Variants in HS6ST2 observed in about 807,000 individuals in gnomAD.
HS6ST2 encodes heparan-sulfate 6-O-sulfotransferase 2.
A neutral mutation model predicts 33.0 loss-of-function variants in HS6ST2; 17 were observed. The ratio of observed to expected loss-of-function variants is 0.52; its 90% CI spans 0.35 to 0.77. HS6ST2 has a LOEUF of 0.77. HS6ST2 is among the 30% of genes least tolerant of loss of function. The pLI, the probability that HS6ST2 is intolerant of heterozygous loss-of-function variation, is 0.01. For missense variants in HS6ST2, 519 were observed against 551.7 expected, an observed-to-expected ratio of 0.94 and a Z score of 0.59; for synonymous variants, 248 against 237.1, an observed-to-expected ratio of 1.05 and a Z score of -0.42.
At chrX:132,660,958 C>T (rs1195939356) in intron 4 of HS6ST2, among the ~76,000 whole-genome samples, 1 of 111,701 alleles carries the variant, frequency 9.0e-6, no homozygotes, top group Non-Finnish European at 1.9e-5. Flanking sequence ...TTATTCACAA[C>T]GTGGCTGGAG....
chrX:132,922,602 T>C (rs2066663542), intron 2 of HS6ST2, among the ~76,000 whole-genome samples: 1 of 112,009 alleles, frequency 8.9e-6, no homozygotes, highest in Non-Finnish European at 1.9e-5. Context: ...CCACGGCCCA[T>C]GACACAACCC....
rs1356497863 is a variant in HS6ST2 at position 132,685,493 on chromosome X, C to T, written c.981-16294G>A. 3.6e-5 allele frequency among the ~76,000 whole-genome samples: 4 copies of T among 111,457 alleles called. No homozygotes were observed. The East Asian group carries it at 8.4e-4, about 23-fold the overall frequency. On this transcript the variant is annotated intron_variant, in intron 3 of 4. Coordinates refer to ENST00000370833, the MANE Select transcript of HS6ST2 (RefSeq NM_001394073.1). Reference sequence around the variant, plus strand: ...TTGAAGCAGATCTTTAGCAAGCGCACGAGGGCCTGTGTTGTACCCAATGCA... The same window carrying T: ...TTGAAGCAGATCTTTAGCAAGCGCATGAGGGCCTGTGTTGTACCCAATGCA...
intron 2 of HS6ST2, among the ~76,000 whole-genome samples, chrX:132,942,544 C>A (rs2066897867): frequency 1.8e-5 from 2 of 111,972 alleles, no homozygotes; most frequent in Non-Finnish European, 3.8e-5. Context: ...GTTATTTCAG[C>A]AACAAAATGG....
At chrX:132,897,189 G>A (rs189106099) in intron 2 of HS6ST2, among the ~76,000 whole-genome samples, 20 of 109,799 alleles carry the variant, frequency 1.8e-4, no homozygotes, top group Non-Finnish European at 3.4e-4. Context: ...GAGGTTGAGA[G>A]ATACCTGTTG....
rs761035761 is a variant in HS6ST2 at position 132,927,872 on chromosome X, A to G, written c.947+28936T>C. On this transcript the variant is annotated intron_variant, in intron 2 of 4. Coordinates refer to ENST00000370833, the MANE Select transcript of HS6ST2 (RefSeq NM_001394073.1). ...ACCCTGTCTCAGAAAAAAAAAAAAA[A>G]AAGAAAAGAAAAGAAAAAAGAAAAA... 7.9e-3 allele frequency among the ~76,000 whole-genome samples: 862 copies of G among 109,532 alleles called. 9 individuals are homozygous for G. Among genetic ancestry groups the G allele is most frequent in the Non-Finnish European group, 0.012 (605 of 52,598 alleles).
intron 4 of HS6ST2, among the ~76,000 whole-genome samples, chrX:132,642,655 C>T (rs147363222): frequency 0.023 from 2,539 of 111,459 alleles, 38 homozygotes; most frequent in Non-Finnish European, 0.035. Flanking sequence ...ACAGGCACAG[C>T]CTTGTTTCTT....
chrX:132,866,473 G>C (rs1158642928), intron 2 of HS6ST2, among the ~76,000 whole-genome samples: 1 of 86,289 alleles, frequency 1.2e-5, no homozygotes, highest in Admixed American at 1.3e-4. Flanking sequence ...CTCTTTTTTG[G>C]TTCCATATGA....
chrX:132,907,803 G>A (rs2066488729), intron 2 of HS6ST2, among the ~76,000 whole-genome samples: 1 of 112,450 alleles, frequency 8.9e-6, no homozygotes, highest in African/African-American at 3.2e-5. Context: ...AAATGTAAGA[G>A]CTAAAACAAT....
chrX:132,770,377 G>GT (rs2064886151), intron 2 of HS6ST2, among the ~76,000 whole-genome samples: 1 of 111,491 alleles, frequency 9.0e-6, no homozygotes, highest in Non-Finnish European at 1.9e-5. Flanking sequence ...ACTGTGTTTA[G>GT]TTCATCCATG....
At chrX:132,778,405 G>GT (rs2064985984) in intron 2 of HS6ST2, among the ~76,000 whole-genome samples, 2 of 110,667 alleles carry the variant, frequency 1.8e-5, no homozygotes, top group Non-Finnish European at 3.8e-5. Context: ...TTGTTTTTTT[G>GT]TTTTTTGTTT....
chrX:132,958,852 G>C, upstream of HS6ST2: 3 of 344,769 alleles, frequency 8.7e-6, no homozygotes, highest in South Asian at 2.8e-4. Flanking sequence ...ATTCTCCAGC[G>C]GAAGCGGGGG....
At chrX:132,776,164 A>G (rs1602663511) in intron 2 of HS6ST2, among the ~76,000 whole-genome samples, 1 of 112,073 alleles carries the variant, frequency 8.9e-6, no homozygotes, top group Admixed American at 9.5e-5. Flanking sequence ...GGAGGAGAGA[A>G]AGTGCCGGCA....
intron 2 of HS6ST2, among the ~76,000 whole-genome samples, chrX:132,875,449 C>T (rs1302979447): frequency 2.7e-5 from 3 of 109,811 alleles, no homozygotes; most frequent in South Asian, 4.0e-4. Flanking sequence ...TTAAAGTCCC[C>T]AGTCTGCAAA....
At chrX:132,788,600 G>C (rs2065087930) in intron 2 of HS6ST2, among the ~76,000 whole-genome samples, 1 of 112,405 alleles carries the variant, frequency 8.9e-6, no homozygotes, top group African/African-American at 3.2e-5. Flanking sequence ...ATTAAACTTA[G>C]TGAGGAAGGC....
chrX:132,782,433 G>A lies in HS6ST2; in HGVS notation c.948-73939C>T, dbSNP rs758913339. The stretch of plus-strand genomic sequence containing the variant: ...CTCACTTAAAGAAGGAGTCTTGGGC[G>A]TAGAGAAGAGAGAGATCGTCTTTAA... On this transcript the variant is annotated intron_variant, in intron 2 of 4. Coordinates refer to ENST00000370833, the MANE Select transcript of HS6ST2 (RefSeq NM_001394073.1). Among the ~76,000 whole-genome samples, 34 of 111,940 alleles carry A rather than the reference G, an allele frequency of 3.0e-4. No homozygotes were observed. The South Asian group carries it at 3.0e-3, about 10-fold the overall frequency.
chrX:132,706,884 T>C (rs111290276), intron 3 of HS6ST2, among the ~76,000 whole-genome samples: 5 of 111,785 alleles, frequency 4.5e-5, no homozygotes, highest in African/African-American at 1.3e-4. Context: ...AAGGGCCCCA[T>C]TGATATTTAC....
intron 2 of HS6ST2, among the ~76,000 whole-genome samples, chrX:132,886,988 A>G (rs1477775842): frequency 4.5e-5 from 5 of 110,654 alleles, no homozygotes; most frequent in African/African-American, 6.6e-5. Flanking sequence ...TACAAAAATT[A>G]GCTGAGCGTA....
chrX:132,717,300 C>T, intron 2 of HS6ST2, among the ~76,000 whole-genome samples: 1 of 112,851 alleles, frequency 8.9e-6, no homozygotes, highest in East Asian at 2.8e-4. Context: ...GTGAAGTGAG[C>T]ACAAGCATAG....
At chrX:132,678,053 A>C (rs746416279) in intron 3 of HS6ST2, among the ~76,000 whole-genome samples, 1 of 111,874 alleles carries the variant, frequency 8.9e-6, no homozygotes, top group Non-Finnish European at 1.9e-5. Flanking sequence ...AAATGCATCT[A>C]TACCTAAAAG....
Sources: allele counts gnomAD v4.1 joint callset (sites outside exome capture counted in the v4.1 genomes callset), GRCh38; gene constraint gnomAD v4.1.1; transcripts MANE v1.5; gene names NCBI Gene and HGNC (gene_info 2026-07-23, HGNC 2026-07-21).